Variants in PPARGC1A observed in about 807,000 individuals in gnomAD.
PPARGC1A encodes peroxisome proliferator-activated receptor gamma coactivator 1-alpha.
Under a neutral mutation model 88.7 loss-of-function variants are expected in PPARGC1A, and 25 were observed. The ratio of observed to expected loss-of-function variants is 0.28; its 90% CI spans 0.21 to 0.39. The LOEUF (loss-of-function observed/expected upper bound fraction) is 0.39, where lower values mean the gene tolerates loss of function less well. Among genes scored for constraint, PPARGC1A ranks in the 10% least tolerant of loss-of-function variants. The probability of loss-of-function intolerance (pLI) is 1.00; values close to 1 mark genes in which losing one functional copy is unlikely to be tolerated. For synonymous variants in PPARGC1A, 363 were observed against 355.6 expected, an observed-to-expected ratio of 1.02 and a Z score of -0.24; for missense variants, 880 against 968.7, an observed-to-expected ratio of 0.91 and a Z score of 1.22.
the PPARGC1A span, among the ~76,000 whole-genome samples, chr4:24,110,523 T>C: frequency 1.3e-5 from 2 of 152,038 alleles, no homozygotes; most frequent in Admixed American, 6.5e-5. Context: ...AGGAAAATAA[T>C]CAACAGGAAA....
the PPARGC1A span, among the ~76,000 whole-genome samples, chr4:24,186,111 C>T: frequency 6.6e-5 from 10 of 151,930 alleles, no homozygotes; most frequent in Non-Finnish European, 1.5e-4. Context: ...AATGATCAGC[C>T]CTACAAACTG....
the PPARGC1A span, among the ~76,000 whole-genome samples, chr4:24,281,999 T>G: frequency 6.6e-6 from 1 of 152,216 alleles, no homozygotes; most frequent in Non-Finnish European, 1.5e-5. Flanking sequence ...AACACAGATC[T>G]TCTGATTCCA....
chr4:23,924,361 C>T, the PPARGC1A span, among the ~76,000 whole-genome samples: 1 of 152,190 alleles, frequency 6.6e-6, no homozygotes, highest in Non-Finnish European at 1.5e-5. Context: ...GGCGTGGTGC[C>T]TCGTGTCTGT....
chr4:24,467,055 AAAG>A, the PPARGC1A span, among the ~76,000 whole-genome samples: 5 of 142,656 alleles, frequency 3.5e-5, no homozygotes, highest in African/African-American at 1.4e-4. Context: ...AGAGAAAAAG[AAAG>A]AAAGAGAAAG....
chr4:24,194,527 T>G, the PPARGC1A span, among the ~76,000 whole-genome samples: 1 of 152,044 alleles, frequency 6.6e-6, no homozygotes, highest in African/African-American at 2.4e-5. Flanking sequence ...GAGTTTACCA[T>G]AGCACCCCTT....
chr4:24,063,984 C>G, the PPARGC1A span, among the ~76,000 whole-genome samples: 1 of 152,060 alleles, frequency 6.6e-6, no homozygotes, highest in Admixed American at 6.5e-5. Flanking sequence ...AGCAGGGAAT[C>G]TGTGTTCGAG....
the PPARGC1A span, among the ~76,000 whole-genome samples, chr4:24,179,151 A>G: frequency 1.3e-5 from 2 of 152,308 alleles, no homozygotes; most frequent in Middle Eastern, 3.4e-3. Context: ...GCATAGTTGC[A>G]ACTGTGAGAG....
chr4:24,090,086 TCA>T, the PPARGC1A span, among the ~76,000 whole-genome samples: 4 of 152,232 alleles, frequency 2.6e-5, no homozygotes, highest in African/African-American at 9.6e-5. Context: ...AGTCATCTCC[TCA>T]CAGTCTTCCT....
the PPARGC1A span, among the ~76,000 whole-genome samples, chr4:24,272,371 T>A: frequency 6.6e-6 from 1 of 152,160 alleles, no homozygotes; most frequent in Non-Finnish European, 1.5e-5. Context: ...CTACCCATAA[T>A]GCCAGAGAAC....
Position 23,856,299 on chromosome 4 carries a change from G to A in PPARGC1A, c.235-24548C>T, listed in dbSNP as rs1307154170. On this transcript the variant is annotated intron_variant, in intron 2 of 12. Coordinates refer to ENST00000264867, the MANE Select transcript of PPARGC1A (RefSeq NM_013261.5). ...ATTCTCTGTGCTTATATTTTTTGAGGTGTAGGCCACTTCTTGGTGTTTTCT... is the reference window on the plus strand; with the variant it reads ...ATTCTCTGTGCTTATATTTTTTGAGATGTAGGCCACTTCTTGGTGTTTTCT... 2.0e-5 allele frequency among the ~76,000 whole-genome samples: 3 copies of A among 152,286 alleles called. No homozygotes were observed. The Middle Eastern group carries it at 0.01, about 518-fold the overall frequency.
At chr4:24,369,483 T>G in the PPARGC1A span, among the ~76,000 whole-genome samples, 1 of 152,108 alleles carries the variant, frequency 6.6e-6, no homozygotes, top group African/African-American at 2.4e-5. Context: ...AATCACTATC[T>G]CATTTGTCCT....
chr4:24,381,503 G>A, the PPARGC1A span, among the ~76,000 whole-genome samples: 14 of 152,242 alleles, frequency 9.2e-5, no homozygotes, highest in East Asian at 1.9e-4. Context: ...AAATATAGTC[G>A]TCCAGCTACA....
At chr4:23,850,391 G>A (rs866162822) in intron 2 of PPARGC1A, among the ~76,000 whole-genome samples, 2 of 152,124 alleles carry the variant, frequency 1.3e-5, no homozygotes, top group Non-Finnish European at 2.9e-5. Context: ...TGTCATAAAG[G>A]CCAAGTGAAA....
chr4:23,950,078 A>C, the PPARGC1A span, among the ~76,000 whole-genome samples: 1 of 152,180 alleles, frequency 6.6e-6, no homozygotes, highest in Non-Finnish European at 1.5e-5. Flanking sequence ...GATAGGAAAT[A>C]GCCTAATCTC....
the PPARGC1A span, among the ~76,000 whole-genome samples, chr4:24,012,996 T>C: frequency 1.3e-5 from 2 of 152,122 alleles, no homozygotes; most frequent in Non-Finnish European, 2.9e-5. Flanking sequence ...ATTTTTGTTT[T>C]TACACATGCA....
chr4:24,095,776 G>A, the PPARGC1A span, among the ~76,000 whole-genome samples: 1 of 152,184 alleles, frequency 6.6e-6, no homozygotes, highest in Admixed American at 6.5e-5. Flanking sequence ...TGTCTGGTGA[G>A]GGCTGCTTCT....
the PPARGC1A span, among the ~76,000 whole-genome samples, chr4:24,351,237 A>T: frequency 6.6e-6 from 1 of 151,940 alleles, no homozygotes; most frequent in African/African-American, 2.4e-5. Flanking sequence ...TATTTAAAAA[A>T]AAAAAAAAAG....
chr4:23,987,076 G>A, the PPARGC1A span, among the ~76,000 whole-genome samples: 1 of 151,988 alleles, frequency 6.6e-6, no homozygotes, highest in Non-Finnish European at 1.5e-5. Flanking sequence ...ACCTCTTAGG[G>A]AATACGTTGT....
the PPARGC1A span, among the ~76,000 whole-genome samples, chr4:24,157,193 C>G: frequency 6.6e-6 from 1 of 152,158 alleles, no homozygotes; most frequent in Non-Finnish European, 1.5e-5. Context: ...ATCCTCTGAT[C>G]ATCATCCATT....
Sources: gnomAD v4.1 joint callset for allele counts (sites outside exome capture counted in the v4.1 genomes callset) on GRCh38, gnomAD v4.1.1 for gene constraint, MANE v1.5 for transcripts, NCBI Gene and HGNC (gene_info 2026-07-23, HGNC 2026-07-21) for gene names.